The following ARHGAP15 variants were observed in gnomAD, a reference collection of about 807,000 sequenced individuals.
The protein encoded by ARHGAP15 is Rho GTPase activating protein 15, also known as rho GTPase-activating protein 15.
In ARHGAP15, 51 loss-of-function variants were observed where a neutral mutation model predicts 63.7. The observed-to-expected ratio is 0.80, with a 90% CI of 0.64 to 1.01. The LOEUF (loss-of-function observed/expected upper bound fraction) is 1.01. Among genes scored for constraint, ARHGAP15 ranks in the 50% least tolerant of loss-of-function variants. The pLI, the probability that ARHGAP15 is intolerant of heterozygous loss-of-function variation, is 0.00. For synonymous variants in ARHGAP15, 191 were observed against 193.8 expected, an observed-to-expected ratio of 0.99 and a Z score of 0.12; for missense variants, 560 against 564.6, an observed-to-expected ratio of 0.99 and a Z score of 0.08.
At chr2:143,244,937 A>T (rs1574144565) in intron 5 of ARHGAP15, among the ~76,000 whole-genome samples, 1 of 152,164 alleles carries the variant, frequency 6.6e-6, no homozygotes, top group Admixed American at 6.5e-5. Flanking sequence ...GAAAGGAGGG[A>T]GTTAAGAAAC....
At chr2:143,753,380 G>A (rs1008383651) in intron 13 of ARHGAP15, among the ~76,000 whole-genome samples, 3 of 152,168 alleles carry the variant, frequency 2.0e-5, no homozygotes, top group Non-Finnish European at 2.9e-5. Flanking sequence ...AACAGACTAA[G>A]AGCCTTCTGT....
intron 12 of ARHGAP15, among the ~76,000 whole-genome samples, chr2:143,625,559 C>T (rs951311418): frequency 1.3e-5 from 2 of 152,076 alleles, no homozygotes; most frequent in African/African-American, 4.8e-5. Flanking sequence ...TATCCCTTGT[C>T]GTGACTTCAT....
In ARHGAP15 at chr2:143,200,093, T is replaced by G. The variant is rs376362692; in HGVS notation, c.166-2041T>G. Among the ~76,000 whole-genome samples the G allele has an allele frequency of 2.6e-5, 4 of 152,086 alleles. No individual in the cohort carries two copies. In the East Asian group the frequency reaches 5.8e-4, roughly 22 times the overall value. On this transcript the variant is annotated intron_variant, in intron 2 of 13. Coordinates refer to ENST00000295095, the MANE Select transcript of ARHGAP15 (RefSeq NM_018460.4). ...ACAGTCACTGGACCAAAACAATAATTGAATCCTGCTGGCCAGTCTCTGTGA... is the reference window on the plus strand; with the variant it reads ...ACAGTCACTGGACCAAAACAATAATGGAATCCTGCTGGCCAGTCTCTGTGA...
At chr2:143,665,796 C>G (rs996266880) in intron 12 of ARHGAP15, among the ~76,000 whole-genome samples, 8 of 151,824 alleles carry the variant, frequency 5.3e-5, no homozygotes, top group South Asian at 4.2e-4. Context: ...AAAGCCAAAT[C>G]ATGAGTGAAC....
chr2:143,148,277 C>G (rs900662927), intron 1 of ARHGAP15, among the ~76,000 whole-genome samples: 5 of 152,054 alleles, frequency 3.3e-5, no homozygotes, highest in African/African-American at 1.2e-4. Context: ...CCACTGCACT[C>G]TAATCAGACT....
At chr2:143,582,822 G>A (rs1426870046) in intron 11 of ARHGAP15, among the ~76,000 whole-genome samples, 2 of 152,194 alleles carry the variant, frequency 1.3e-5, no homozygotes, top group Non-Finnish European at 2.9e-5. Context: ...TTGCCAATGG[G>A]TGAGGAGGAG....
chr2:143,656,934 G>GGTGTGTGTGTGTGTGTGTGT (rs5834961), intron 12 of ARHGAP15, among the ~76,000 whole-genome samples: 2,084 of 144,958 alleles, frequency 0.014, 49 homozygotes, highest in Middle Eastern at 0.021. Context: ...CAAAGTTTCT[G>GGTGTGTGTGTGTGTGTGTGT]GTGTGTGTGT....
At chr2:143,691,036 G>A (rs183405583) in intron 12 of ARHGAP15, among the ~76,000 whole-genome samples, 40 of 152,220 alleles carry the variant, frequency 2.6e-4, no homozygotes, top group South Asian at 2.5e-3. Context: ...TTAGGACAGC[G>A]GACGGACGTA....
chr2:143,345,222 T>G (rs1187077102), intron 6 of ARHGAP15, among the ~76,000 whole-genome samples: 1 of 142,428 alleles, frequency 7.0e-6, no homozygotes, highest in Non-Finnish European at 1.5e-5. Flanking sequence ...GTAGTTAAAA[T>G]TATTTTATGG....
chr2:143,376,921 A>C (rs61655518), intron 6 of ARHGAP15, among the ~76,000 whole-genome samples: 61,770 of 151,780 alleles, frequency 0.41, 12,807 homozygotes, highest in African/African-American at 0.48. Flanking sequence ...TGTGTTTTGT[A>C]TTATTGGTAA....
At chr2:143,615,210 A>G (rs773658693) in intron 11 of ARHGAP15, among the ~76,000 whole-genome samples, 7 of 152,210 alleles carry the variant, frequency 4.6e-5, no homozygotes, top group Non-Finnish European at 1.0e-4. Context: ...GTCTTAATTG[A>G]CAACTAACAG....
At chr2:143,462,530 A>T (rs566569087) in intron 8 of ARHGAP15, among the ~76,000 whole-genome samples, 4 of 152,220 alleles carry the variant, frequency 2.6e-5, no homozygotes, top group Admixed American at 6.5e-5. Context: ...AATAAGTGTG[A>T]CACTGTCCTA....
intron 1 of ARHGAP15, among the ~76,000 whole-genome samples, chr2:143,132,039 A>G (rs1248631912): frequency 2.0e-5 from 3 of 152,114 alleles, no homozygotes; most frequent in African/African-American, 7.2e-5. Flanking sequence ...GGCAATTTTG[A>G]TATTCCCATA....
At chr2:143,553,372 T>C (rs1360921946) in intron 10 of ARHGAP15, among the ~76,000 whole-genome samples, 3 of 152,200 alleles carry the variant, frequency 2.0e-5, no homozygotes, top group East Asian at 1.9e-4. Flanking sequence ...TCACAAGATA[T>C]ATAGTGTTGG....
chr2:143,768,215 G>T lies in ARHGAP15; in HGVS notation c.*43G>T. On this transcript the variant is annotated 3_prime_UTR_variant, in exon 14 of 14. Transcript: ENST00000295095. ...TGAATACGTTCACATCTGTCTTGAT[G>T]CCTAATATTTTTACATTTCTGTAAA... 1 of 1,481,276 alleles carries T rather than the reference G, an allele frequency of 6.8e-7. No homozygotes were observed. Among genetic ancestry groups the T allele is most frequent in the Non-Finnish European group, 9.1e-7 (1 of 1,104,428 alleles). The allele number at this position is 1,481,276 out of a possible 1,614,324, so 91.8% of individuals were successfully genotyped here.
intron 6 of ARHGAP15, among the ~76,000 whole-genome samples, chr2:143,337,749 GTGGAAGGTGTGC>G (rs1684871669): frequency 6.6e-6 from 1 of 152,048 alleles, no homozygotes; most frequent in African/African-American, 2.4e-5. Context: ...TAAAAAAAAA[GTGGAAGGTGTGC>G]TGCTTATTCG....
intron 1 of ARHGAP15, among the ~76,000 whole-genome samples, chr2:143,133,260 G>T (rs755894549): frequency 6.6e-6 from 1 of 152,184 alleles, no homozygotes; most frequent in African/African-American, 2.4e-5. Context: ...AAAACACGGC[G>T]TGTCAGAGAA....
At chr2:143,295,245 C>A (rs1224927110) in intron 6 of ARHGAP15, among the ~76,000 whole-genome samples, 1 of 152,000 alleles carries the variant, frequency 6.6e-6, no homozygotes. Context: ...AAGAAACTTT[C>A]TCTAATTAGG....
intron 8 of ARHGAP15, among the ~76,000 whole-genome samples, chr2:143,441,065 T>C (rs1170636966): frequency 6.6e-6 from 1 of 152,100 alleles, no homozygotes; most frequent in East Asian, 1.9e-4. Flanking sequence ...GACATGTAAA[T>C]ACTTAGCTCA....
Sources: gnomAD v4.1 joint callset for allele counts (sites outside exome capture counted in the v4.1 genomes callset) on GRCh38, gnomAD v4.1.1 for gene constraint, MANE v1.5 for transcripts, NCBI Gene and HGNC (gene_info 2026-07-23, HGNC 2026-07-21) for gene names.